CNTNAP2: variants seen among roughly 807,000 people sequenced by gnomAD.
CNTNAP2 encodes contactin associated protein 2.
A neutral mutation model predicts 155.2 loss-of-function variants in CNTNAP2; 98 were observed. That is an observed-to-expected ratio of 0.63 (90% CI 0.54 to 0.75). CNTNAP2 has a LOEUF of 0.75. Among genes scored for constraint, CNTNAP2 ranks in the 30% least tolerant of loss-of-function variants. CNTNAP2 has a pLI of 0.00. For missense variants in CNTNAP2, 1,727 were observed against 1,688.1 expected (o/e 1.02, Z -0.40); for synonymous variants, 651 against 631.2 (o/e 1.03, Z -0.47).
At chr7:147,681,448 C>G (rs1386056193) in intron 13 of CNTNAP2, among the ~76,000 whole-genome samples, 5 of 151,810 alleles carry the variant, frequency 3.3e-5, no homozygotes, top group Admixed American at 3.3e-4. Flanking sequence ...AAACTTTTTC[C>G]CCCATGCTAG....
At chr7:147,971,135 T>C (rs1801327629) in intron 14 of CNTNAP2, among the ~76,000 whole-genome samples, 1 of 152,172 alleles carries the variant, frequency 6.6e-6, no homozygotes, top group Non-Finnish European at 1.5e-5. Context: ...TGGTTCATAG[T>C]CACAAAGTAG....
chr7:146,916,411 C>T (rs1796395184), intron 3 of CNTNAP2, among the ~76,000 whole-genome samples: 1 of 152,044 alleles, frequency 6.6e-6, no homozygotes, highest in Admixed American at 6.6e-5. Context: ...ACCAATTATT[C>T]TTTAAATGTC....
intron 1 of CNTNAP2, among the ~76,000 whole-genome samples, chr7:146,220,716 T>C (rs911248095): frequency 6.6e-6 from 1 of 152,196 alleles, no homozygotes; most frequent in South Asian, 2.1e-4. Context: ...AATATAATTC[T>C]GTTACACAAA....
At chr7:148,069,387 G>A (rs970134213) in intron 15 of CNTNAP2, among the ~76,000 whole-genome samples, 2 of 152,166 alleles carry the variant, frequency 1.3e-5, no homozygotes, top group African/African-American at 4.8e-5. Flanking sequence ...GGGAAAAGAA[G>A]GGTGAATGAA....
At chr7:147,711,260 A>C (rs1304944793) in intron 13 of CNTNAP2, among the ~76,000 whole-genome samples, 1 of 152,154 alleles carries the variant, frequency 6.6e-6, no homozygotes, top group Non-Finnish European at 1.5e-5. Flanking sequence ...TCTTATACTG[A>C]ATTTGAAAAG....
intron 21 of CNTNAP2, among the ~76,000 whole-genome samples, chr7:148,302,428 C>T (rs923780835): frequency 2.0e-5 from 3 of 152,176 alleles, no homozygotes; most frequent in Non-Finnish European, 4.4e-5. Context: ...GCCTCCTTCT[C>T]CCTTGCCCTG....
chr7:148,420,230 C>T lies in CNTNAP2; in HGVS notation c.*4614C>T, dbSNP rs1800083196. The T allele has an allele frequency of 1.3e-5, 2 of 152,224 alleles. No individual in the cohort carries two copies. Among genetic ancestry groups the T allele is most frequent in the Admixed American group, 1.3e-4 (2 of 15,282 alleles). The allele number at this position is 152,224 out of a possible 1,614,324, so 9.4% of individuals were successfully genotyped here. The stretch of plus-strand genomic sequence containing the variant: ...AACTTACAGCTCCCTTACCTACTCT[C>T]ACACATGCCCTCAAACATGCTAGAT... On this transcript the variant is annotated 3_prime_UTR_variant, in exon 24 of 24. Transcript: ENST00000361727.
intron 12 of CNTNAP2, among the ~76,000 whole-genome samples, chr7:147,584,606 A>G (rs1800581216): frequency 1.3e-5 from 2 of 152,238 alleles, no homozygotes; most frequent in South Asian, 4.1e-4. Flanking sequence ...AAAATAGTAG[A>G]GAATACAAAT....
rs879600389 is a variant in CNTNAP2 at position 146,638,476 on chromosome 7, C to CTTTTTTTTTTTTTTTTTTTTTTTTTT, written c.98-135773_98-135772insTTTTTTTTTTTTTTTTTTTTTTTTTT. Among the ~76,000 whole-genome samples the CTTTTTTTTTTTTTTTTTTTTTTTTTT allele has an allele frequency of 9.5e-4, 61 of 64,362 alleles. 5 individuals are homozygous for CTTTTTTTTTTTTTTTTTTTTTTTTTT. Among genetic ancestry groups the CTTTTTTTTTTTTTTTTTTTTTTTTTT allele is most frequent in the East Asian group, 3.2e-3 (6 of 1,886 alleles). 42.2% of individuals were successfully genotyped at this position (64,362 alleles called of 152,430 possible). A position where few individuals can be genotyped will look rare whatever the true frequency, so the allele number is the denominator to read the frequency against. ...AACAGTTTAATACAGTCAGGTGTTT[C>CTTTTTTTTTTTTTTTTTTTTTTTTTT]TTTTTTTTTTTTTTTTTTTTTTCTT... On this transcript the variant is annotated intron_variant, in intron 1 of 23. Transcript: ENST00000361727.
At chr7:147,013,734 T>C (rs1028301851) in intron 3 of CNTNAP2, among the ~76,000 whole-genome samples, 4 of 152,154 alleles carry the variant, frequency 2.6e-5, no homozygotes. Flanking sequence ...AAGGAAGTAT[T>C]TTCTTACCGT....
At chr7:146,804,475 A>T (rs915606204) in intron 2 of CNTNAP2, among the ~76,000 whole-genome samples, 2 of 152,238 alleles carry the variant, frequency 1.3e-5, no homozygotes, top group Non-Finnish European at 2.9e-5. Flanking sequence ...TCACCTAGGA[A>T]GGAGAGATAA....
chr7:148,414,918 C>A, intron 23 of CNTNAP2: 1 of 205,828 alleles, frequency 4.9e-6, no homozygotes, highest in Non-Finnish European at 9.9e-6. Context: ...ATTATTCGGC[C>A]ACAAATTCAG....
chr7:146,822,710 T>C (rs1803312629), intron 2 of CNTNAP2, among the ~76,000 whole-genome samples: 1 of 141,872 alleles, frequency 7.0e-6, no homozygotes, highest in Non-Finnish European at 1.5e-5. Context: ...TTCTTAAGTA[T>C]ACACTTAAAT....
chr7:148,074,004 G>A (rs1026030567), intron 15 of CNTNAP2, among the ~76,000 whole-genome samples: 2 of 152,130 alleles, frequency 1.3e-5, no homozygotes, highest in South Asian at 2.1e-4. Context: ...AGAGATGACG[G>A]TATACATAGG....
chr7:148,202,566 G>T (rs1795385083), intron 18 of CNTNAP2, among the ~76,000 whole-genome samples: 1 of 152,114 alleles, frequency 6.6e-6, no homozygotes, highest in Admixed American at 6.5e-5. Flanking sequence ...TGCCACAGAC[G>T]TGGTGCAAAA....
intron 1 of CNTNAP2, among the ~76,000 whole-genome samples, chr7:146,622,281 A>ATCTATC (rs780773842): frequency 3.5e-4 from 44 of 126,378 alleles, no homozygotes; most frequent in Non-Finnish European, 5.4e-4. Context: ...CTATCTATCT[A>ATCTATC]TATATATATA....
intron 1 of CNTNAP2, among the ~76,000 whole-genome samples, chr7:146,120,544 T>C (rs1195105091): frequency 6.6e-6 from 1 of 152,208 alleles, no homozygotes; most frequent in Non-Finnish European, 1.5e-5. Context: ...CGTATCATTT[T>C]AGATGATATC....
intron 1 of CNTNAP2, 35 bp from the exon 2 acceptor site, chr7:146,774,236 G>T (rs201121160): frequency 2.0e-6 from 3 of 1,474,210 alleles, no homozygotes; most frequent in Admixed American, 1.7e-5. Context: ...AATCGTTGTT[G>T]AGTGTCTCTC....
intron 1 of CNTNAP2, among the ~76,000 whole-genome samples, chr7:146,216,911 A>G (rs1018503495): frequency 6.6e-6 from 1 of 152,216 alleles, no homozygotes; most frequent in Non-Finnish European, 1.5e-5. Flanking sequence ...CTGGCAGAAT[A>G]AAACTTCAGG....
Sources: gnomAD v4.1 joint callset for allele counts (sites outside exome capture counted in the v4.1 genomes callset) on GRCh38, gnomAD v4.1.1 for gene constraint, MANE v1.5 for transcripts, NCBI Gene and HGNC (gene_info 2026-07-23, HGNC 2026-07-21) for gene names.